The following FAT1 variants were observed in gnomAD, a reference collection of about 807,000 sequenced individuals.
FAT1 encodes the protein FAT atypical cadherin 1.
In FAT1, 171 loss-of-function variants were observed where a neutral mutation model predicts 329.8. The ratio of observed to expected loss-of-function variants is 0.52; its 90% CI spans 0.46 to 0.59. FAT1 has a LOEUF of 0.59. Among genes scored for constraint, FAT1 ranks in the 20% least tolerant of loss-of-function variants. The pLI, the probability that FAT1 is intolerant of heterozygous loss-of-function variation, is 0.00. For synonymous variants in FAT1, 2,233 were observed against 2,228.6 expected, an observed-to-expected ratio of 1.00 and a Z score of -0.06; for missense variants, 5,672 against 5,774.4, an observed-to-expected ratio of 0.98 and a Z score of 0.57.
chr4:186,639,469 T>G (rs954176848), intron 4 of FAT1, among the ~76,000 whole-genome samples: 2 of 152,180 alleles, frequency 1.3e-5, no homozygotes, highest in African/African-American at 4.8e-5. Flanking sequence ...TGCGCAAGCA[T>G]AAAATACAAA....
chr4:186,604,046 T>G, intron 18 of FAT1, 69 bp from the exon 19 acceptor site: 3 of 1,250,014 alleles, frequency 2.4e-6, no homozygotes. Flanking sequence ...ATAAAAACAT[T>G]TGTATTACTC....
chr4:186,624,856 C>T (rs1740223427), intron 9 of FAT1, among the ~76,000 whole-genome samples: 1 of 152,170 alleles, frequency 6.6e-6, no homozygotes, highest in African/African-American at 2.4e-5. Context: ...CCTCCATCTC[C>T]AACACATGCA....
intron 2 of FAT1, among the ~76,000 whole-genome samples, chr4:186,702,029 G>A (rs767034678): frequency 2.0e-5 from 3 of 151,406 alleles, no homozygotes; most frequent in Admixed American, 6.6e-5. Context: ...ATGAGGCCAG[G>A]AGCCGACCCC....
chr4:186,725,196 T>C (rs761428360), upstream of FAT1, among the ~76,000 whole-genome samples: 1 of 152,032 alleles, frequency 6.6e-6, no homozygotes, highest in Non-Finnish European at 1.5e-5. The surrounding 1 kb of genome is among the most constrained non-coding windows in gnomAD (Gnocchi z 5.4). Context: ...GTCAATTTCA[T>C]ACATGGAACA....
chr4:186,690,067 T>A (rs1283695723), intron 2 of FAT1, among the ~76,000 whole-genome samples: 1 of 152,084 alleles, frequency 6.6e-6, no homozygotes, highest in Non-Finnish European at 1.5e-5. Context: ...TAGCTACAAA[T>A]AAACAAAAAA....
chr4:186,720,130 A>G (rs1254958406), intron 1 of FAT1, among the ~76,000 whole-genome samples: 1 of 152,224 alleles, frequency 6.6e-6, no homozygotes, highest in African/African-American at 2.4e-5. Context: ...TGAGCCAATA[A>G]CACCACCTAG....
chr4:186,605,016 C>T (rs556792455), intron 17 of FAT1, among the ~76,000 whole-genome samples: 20 of 151,640 alleles, frequency 1.3e-4, no homozygotes, highest in East Asian at 3.9e-4. Context: ...GTCAGGAGTT[C>T]GAGACCAGCC....
At chr4:186,649,252 A>G (rs759203845) in intron 3 of FAT1, among the ~76,000 whole-genome samples, 42 of 152,226 alleles carry the variant, frequency 2.8e-4, no homozygotes, top group Admixed American at 1.0e-3. Context: ...CTGTTAGAAC[A>G]AAAGTTAAAT....
intron 4 of FAT1, among the ~76,000 whole-genome samples, chr4:186,637,461 T>C (rs1325382151): frequency 1.3e-5 from 2 of 152,222 alleles, no homozygotes; most frequent in African/African-American, 4.8e-5. Context: ...CCATTTTATT[T>C]TGGCTGTTTT....
Position 186,620,431 on chromosome 4 carries a change from T to C in FAT1, c.6155A>G (p.Glu2052Gly), listed in dbSNP as rs2126515600. The change falls in exon 10 of 27, where the codon GAA becomes GGA. Residue 2052 changes from glutamate to glycine, a missense_variant. Physicochemically the swap from Glu to Gly is moderately conservative, Grantham distance 98. Coordinates refer to ENST00000441802, the MANE Select transcript of FAT1 (RefSeq NM_005245.4). ...EQQEAFDVVV[E>G]VTEEHKPSAV... ...AGAAGGCTTATGTTCCTCTGTCACT[T>C]CTACAACCACATCAAACGCCTCCTG... 6.2e-7 allele frequency: 1 copy of C among 1,614,010 alleles called. No individual in the cohort carries two copies. Among genetic ancestry groups the C allele is most frequent in the Admixed American group, 1.7e-5 (1 of 60,026 alleles).
intron 7 of FAT1, among the ~76,000 whole-genome samples, chr4:186,629,413 A>G (rs1403772940): frequency 2.0e-5 from 3 of 152,338 alleles, no homozygotes; most frequent in African/African-American, 7.2e-5. Flanking sequence ...TAAAGTAAAA[A>G]CCTTTAGAGG....
intron 3 of FAT1, among the ~76,000 whole-genome samples, chr4:186,642,930 G>A (rs1316516615): frequency 6.6e-6 from 1 of 152,194 alleles, no homozygotes; most frequent in East Asian, 1.9e-4. Flanking sequence ...TACTTTGGAG[G>A]AGCCTGGAAG....
At chr4:186,706,150 C>G (rs758503921) in intron 2 of FAT1, among the ~76,000 whole-genome samples, 1 of 152,144 alleles carries the variant, frequency 6.6e-6, no homozygotes, top group Non-Finnish European at 1.5e-5. Context: ...CTGAATGGCA[C>G]GCCAGATGGT....
intron 3 of FAT1, among the ~76,000 whole-genome samples, chr4:186,643,826 A>G (rs896623629): frequency 2.5e-5 from 3 of 122,410 alleles, no homozygotes; most frequent in Admixed American, 1.1e-4. Context: ...CATCGACTTC[A>G]AACATAATTC....
intron 7 of FAT1, among the ~76,000 whole-genome samples, chr4:186,629,238 G>T (rs1740472160): frequency 6.6e-6 from 1 of 152,022 alleles, no homozygotes; most frequent in South Asian, 2.1e-4. Context: ...CCAAGCCCCT[G>T]ATCATAGGTT....
rs2126503355 is a variant in FAT1, at chr4:186,619,218, G to A, written c.7368C>T (p.Ala2456=). The A allele has an allele frequency of 6.2e-7, 1 of 1,613,942 alleles. No homozygotes were observed. Among genetic ancestry groups the A allele is most frequent in the African/African-American group, 1.3e-5 (1 of 75,028 alleles). Residue 2456 remains alanine, a synonymous_variant, in exon 10 of 27, where the codon GCC becomes GCT. Coordinates refer to ENST00000441802, the MANE Select transcript of FAT1 (RefSeq NM_005245.4). ...GGTTAAGACTGTAAAATGGCTTCAGGGCGTGCCGGTGCAGGTTTGAGAGGG... is the reference window on the plus strand; with the variant it reads ...GGTTAAGACTGTAAAATGGCTTCAGAGCGTGCCGGTGCAGGTTTGAGAGGG... ...IITLSNLHRH[A]LKPFYSLNLS... is the part of the protein sequence containing the mutation.
At chr4:186,650,654 C>T (rs1046379906) in intron 3 of FAT1, among the ~76,000 whole-genome samples, 15 of 152,114 alleles carry the variant, frequency 9.9e-5, no homozygotes, top group African/African-American at 3.4e-4. Flanking sequence ...CGATTTTAAC[C>T]GTACCTCTTG....
intron 16 of FAT1, among the ~76,000 whole-genome samples, chr4:186,608,604 T>C (rs1315660320): frequency 6.6e-6 from 1 of 152,184 alleles, no homozygotes. Flanking sequence ...ATGCAGAATC[T>C]GCAGATAGAG....
intron 2 of FAT1, among the ~76,000 whole-genome samples, chr4:186,670,921 G>A (rs1266208893): frequency 6.6e-6 from 1 of 152,156 alleles, no homozygotes; most frequent in Admixed American, 6.5e-5. Flanking sequence ...ACTTCAGTTA[G>A]TAACAATGTA....
Sources: allele counts gnomAD v4.1 joint callset (sites outside exome capture counted in the v4.1 genomes callset), GRCh38; gene constraint gnomAD v4.1.1; non-coding constraint Gnocchi (gnomAD v3.1); transcripts MANE v1.5; gene names NCBI Gene and HGNC (gene_info 2026-07-23, HGNC 2026-07-21).